Variants in HEATR5A observed in about 807,000 individuals in gnomAD.
HEATR5A encodes the protein HEAT repeat containing 5A.
A neutral mutation model predicts 218.8 loss-of-function variants in HEATR5A; 178 were observed. The ratio of observed to expected loss-of-function variants is 0.81; its 90% CI spans 0.72 to 0.92. The LOEUF (loss-of-function observed/expected upper bound fraction) is 0.92, where lower values mean the gene tolerates loss of function less well. Among genes scored for constraint, HEATR5A ranks in the 40% least tolerant of loss-of-function variants. HEATR5A has a pLI of 0.00. For missense variants in HEATR5A, 2,420 were observed against 2,418.9 expected (o/e 1.00, Z -0.01); for synonymous variants, 864 against 871.6 (o/e 0.99, Z 0.15).
rs778823024 is a variant in HEATR5A, at chr14:31,315,768, A to G, written c.4218+2T>C. ...TCCAGTTACAAATTAAGAAATACCA[A>G]CCTCTGCCCAGGCTTTAAGCACAGC... On this transcript the variant is annotated splice_donor_variant, in intron 27 of 35. Coordinates refer to ENST00000543095, the MANE Select transcript of HEATR5A (RefSeq NM_015473.4). LOFTEE classifies it high-confidence loss of function. 2 of 1,561,002 alleles carry G rather than the reference A, an allele frequency of 1.3e-6. No homozygotes were observed. The highest frequency in any genetic ancestry group is 1.7e-6 in the Non-Finnish European group (2 of 1,153,422).
intron 21 of HEATR5A, 45 bp downstream of exon 21, chr14:31,343,851 T>C: frequency 6.9e-7 from 1 of 1,438,886 alleles, no homozygotes; most frequent in Non-Finnish European, 9.4e-7. Context: ...AAATCTAAGA[T>C]TCAAATAAAA....
intron 16 of HEATR5A, among the ~76,000 whole-genome samples, chr14:31,354,438 C>T (rs1306205902): frequency 6.6e-6 from 1 of 152,128 alleles, no homozygotes. Flanking sequence ...TTCTGCCCCC[C>T]AATCCTGAAA....
intron 22 of HEATR5A, chr14:31,334,476 G>C (rs1187604622): frequency 2.2e-6 from 1 of 455,526 alleles, no homozygotes; most frequent in East Asian, 6.9e-5. Context: ...TTACAACAAA[G>C]GATTCAGAAT....
chr14:31,412,136 G>C (rs1003494312), intron 1 of HEATR5A, among the ~76,000 whole-genome samples: 1 of 152,066 alleles, frequency 6.6e-6, no homozygotes, highest in African/African-American at 2.4e-5. Context: ...GATTACAGGC[G>C]TTGAGTCACT....
rs561204239 is a variant in HEATR5A, at chr14:31,358,656, G to A, written c.2392C>T (p.His798Tyr). ...ASKLFGVVCAHVGETQRLLIL... is the reference protein window; with the variant it reads ...ASKLFGVVCAYVGETQRLLIL... The stretch of plus-strand genomic sequence containing the variant: ...ATTTACCTTTGAGTTTCTCCCACAT[G>A]AGCGCATACAACCCCAAAGAGCTTG... Residue 798 changes from histidine to tyrosine, a missense_variant, in exon 16 of 36, where the codon CAT becomes TAT. Transcript: ENST00000543095. 14 of 1,613,482 alleles carry A rather than the reference G, an allele frequency of 8.7e-6. No homozygotes were observed. The East Asian group carries it at 2.2e-4, about 26-fold the overall frequency.
chr14:31,320,198 G>C, intron 25 of HEATR5A: 1 of 616,988 alleles, frequency 1.6e-6, no homozygotes, highest in Non-Finnish European at 3.0e-6. Context: ...CAGCTGCAGG[G>C]ACAGGCAGGT....
At chr14:31,387,652 T>C (rs934835970) in intron 7 of HEATR5A, among the ~76,000 whole-genome samples, 10 of 151,772 alleles carry the variant, frequency 6.6e-5, no homozygotes, top group African/African-American at 1.7e-4. Context: ...CTCCGCCTCC[T>C]GGGTTCACGC....
Position 31,371,853 on chromosome 14 carries a change from G to T in HEATR5A, c.1918C>A (p.Arg640Ser), listed in dbSNP as rs750697233. The T allele has an allele frequency of 2.6e-6, 4 of 1,552,894 alleles. No homozygotes were observed. Among genetic ancestry groups the T allele is most frequent in the Non-Finnish European group, 2.6e-6 (3 of 1,147,228 alleles). Residue 640 changes from arginine to serine, a missense_variant, in exon 13 of 36, where the codon CGT (arginine) becomes AGT (serine). By Grantham distance (110) the Arg-to-Ser change is moderately radical. Transcript: ENST00000543095. ...GCACAAGGAAGTGGTGGAAGAAGAC[G>T]CTGAGTTACTTCCTCAGTAAGAAGA... ...GDLLTEEVTQ[R>S]LLPPLPCAVD...
chr14:31,373,053 C>T (rs1306110478), intron 12 of HEATR5A, among the ~76,000 whole-genome samples: 1 of 151,900 alleles, frequency 6.6e-6, no homozygotes, highest in African/African-American at 2.4e-5. Flanking sequence ...ATCCTCCCAC[C>T]CCAGACTACA....
chr14:31,363,023 G>C (rs1011354253), intron 14 of HEATR5A, among the ~76,000 whole-genome samples: 2 of 151,886 alleles, frequency 1.3e-5, no homozygotes, highest in Admixed American at 6.6e-5. Context: ...GATCATATGA[G>C]GTAAGGAGTT....
chr14:31,375,107 T>C, intron 11 of HEATR5A, 139 bp from the exon 12 acceptor site: 1 of 706,332 alleles, frequency 1.4e-6, no homozygotes, highest in East Asian at 2.8e-5. Context: ...ATCTTCAGGT[T>C]CCAAATTATT....
At chr14:31,358,436 T>C (rs79559396) in intron 16 of HEATR5A, among the ~76,000 whole-genome samples, 2,976 of 152,318 alleles carry the variant, frequency 0.02, 84 homozygotes, top group African/African-American at 0.068. Flanking sequence ...CAAAGTATTG[T>C]ATCCACAACA....
intron 33 of HEATR5A, among the ~76,000 whole-genome samples, chr14:31,298,306 G>A (rs912991716): frequency 2.0e-5 from 3 of 152,150 alleles, no homozygotes; most frequent in African/African-American, 7.2e-5. Context: ...CATTTAACCT[G>A]TCATGACCAA....
intron 9 of HEATR5A, among the ~76,000 whole-genome samples, chr14:31,385,113 G>A (rs1194340724): frequency 1.3e-5 from 2 of 152,006 alleles, no homozygotes; most frequent in African/African-American, 2.4e-5. Context: ...TGTGTGCCAC[G>A]AAGGATAAAA....
chr14:31,378,196 T>C (rs924971174), intron 11 of HEATR5A, among the ~76,000 whole-genome samples: 6 of 152,202 alleles, frequency 3.9e-5, no homozygotes, highest in African/African-American at 1.4e-4. Context: ...ATAGTAAACA[T>C]TTGAGGCTTT....
At chr14:31,406,195 G>C (rs900825553) in intron 1 of HEATR5A, among the ~76,000 whole-genome samples, 5 of 152,082 alleles carry the variant, frequency 3.3e-5, no homozygotes, top group Admixed American at 3.3e-4. Context: ...ATATACCTGA[G>C]AAATGCTTAT....
chr14:31,299,935 C>CT (rs777895586), intron 33 of HEATR5A, among the ~76,000 whole-genome samples: 4 of 151,778 alleles, frequency 2.6e-5, no homozygotes, highest in African/African-American at 9.7e-5. Flanking sequence ...ACTCAGGAGG[C>CT]TGAGGCAGGA....
At chr14:31,314,744 G>A (rs1172547641) in intron 27 of HEATR5A, among the ~76,000 whole-genome samples, 3 of 152,026 alleles carry the variant, frequency 2.0e-5, no homozygotes, top group East Asian at 1.9e-4. Flanking sequence ...TCCTAATGAA[G>A]GTTGTGCTAA....
At chr14:31,387,840 G>T (rs975752505) in intron 7 of HEATR5A, among the ~76,000 whole-genome samples, 5 of 152,126 alleles carry the variant, frequency 3.3e-5, no homozygotes, top group Admixed American at 2.6e-4. Flanking sequence ...GATTACAGGC[G>T]TGAGCCACCG....
Sources: allele counts gnomAD v4.1 joint callset (sites outside exome capture counted in the v4.1 genomes callset), GRCh38; gene constraint gnomAD v4.1.1; transcripts MANE v1.5; gene names NCBI Gene and HGNC (gene_info 2026-07-23, HGNC 2026-07-21).